The following TBCEL variants were observed in gnomAD, a reference collection of about 807,000 sequenced individuals.
TBCEL encodes the protein tubulin-specific chaperone cofactor E-like protein.
TBCEL carries 15 observed loss-of-function variants against 44.2 expected under a neutral mutation model. The observed-to-expected ratio is 0.34, with a 90% CI of 0.23 to 0.52. TBCEL has a LOEUF of 0.52. TBCEL is among the 20% of genes least tolerant of loss of function. The pLI is 0.95. For synonymous variants in TBCEL, 171 were observed against 185.4 expected, an observed-to-expected ratio of 0.92 and a Z score of 0.63; for missense variants, 319 against 506.3, an observed-to-expected ratio of 0.63 and a Z score of 3.55.
Position 121,060,744 on chromosome 11 carries a change from C to T in TBCEL, c.956+659C>T, listed in dbSNP as rs983882012. 1.3e-5 allele frequency among the ~76,000 whole-genome samples: 2 copies of T among 151,768 alleles called. 1 individual carries two copies. The highest frequency in any genetic ancestry group is 2.9e-5 in the Non-Finnish European group (2 of 67,836). ...AAAAAATACCCCCCAAAACAGGTTT[C>T]TGGGTATTGATAACTAGAATCGGTT... On this transcript the variant is annotated intron_variant, in intron 8 of 8. Transcript: ENST00000683345.
At chr11:121,052,090 A>G (rs1051990311) in intron 4 of TBCEL, among the ~76,000 whole-genome samples, 1 of 151,868 alleles carries the variant, frequency 6.6e-6, no homozygotes, top group African/African-American at 2.4e-5. Context: ...TGGAATCAGC[A>G]TATTTTAAAT....
chr11:121,034,078 T>C (rs1435258737), intron 1 of TBCEL, among the ~76,000 whole-genome samples: 2 of 152,124 alleles, frequency 1.3e-5, no homozygotes, highest in Admixed American at 1.3e-4. Flanking sequence ...GGTGTACAAA[T>C]AAGTTTTGAC....
intron 8 of TBCEL, among the ~76,000 whole-genome samples, chr11:121,077,463 T>C (rs1446441719): frequency 6.6e-6 from 1 of 152,120 alleles, no homozygotes; most frequent in African/African-American, 2.4e-5. Context: ...TTAATGTCTA[T>C]GTGGTCTGTG....
In TBCEL at chr11:121,088,061, A is replaced by G. The variant is rs1292935752; in HGVS notation, c.*965A>G. On this transcript the variant is annotated 3_prime_UTR_variant, in exon 9 of 9. Transcript: ENST00000683345. ...CTGGATACGTGCACCAGGAGAGTTG[A>G]GAATTAGCTCATAAACTATCTGTGG... 1.3e-5 allele frequency: 2 copies of G among 152,224 alleles called. No homozygotes were observed. Among genetic ancestry groups the G allele is most frequent in the Non-Finnish European group, 2.9e-5 (2 of 68,040 alleles). 9.4% of individuals were successfully genotyped at this position (152,224 alleles called of 1,614,324 possible). A position where few individuals can be genotyped will look rare whatever the true frequency, so the allele number is the denominator to read the frequency against.
At position 121,047,686 on chromosome 11, in the gene TBCEL, T is replaced by A. The variant is rs761860282; in HGVS notation, c.273+19T>A. 7.4e-6 allele frequency: 12 copies of A among 1,610,792 alleles called. No individual in the cohort carries two copies. The highest frequency in any genetic ancestry group is 9.3e-6 in the Non-Finnish European group (11 of 1,178,192). On this transcript the variant is annotated intron_variant, in intron 4 of 8. Coordinates refer to ENST00000683345, the MANE Select transcript of TBCEL (RefSeq NM_001363644.2). ...GCATGAGGTGAAGTTTTTATATTGC[T>A]ACATTTTAGTGAAAAGCAGCAATAA...
intron 8 of TBCEL, among the ~76,000 whole-genome samples, chr11:121,064,788 A>G (rs1401279679): frequency 1.3e-5 from 2 of 152,136 alleles, no homozygotes; most frequent in Non-Finnish European, 2.9e-5. Context: ...GAGTGACACA[A>G]TAATAATTAT....
In TBCEL at chr11:121,087,126, A is replaced by G. The variant is rs765942291; in HGVS notation, c.*30A>G. On this transcript the variant is annotated 3_prime_UTR_variant, in exon 9 of 9. Transcript: ENST00000683345. ...TACCAGCCTTGTGAAAAACATACAC[A>G]TAAGGACTTGTTGCAGGGCATTTGT... The G allele has an allele frequency of 5.1e-6, 8 of 1,577,398 alleles. No individual in the cohort carries two copies. The Admixed American group carries it at 1.1e-4, about 22-fold the overall frequency.
chr11:121,034,902 G>C (rs755604321), intron 1 of TBCEL, among the ~76,000 whole-genome samples: 1 of 152,130 alleles, frequency 6.6e-6, no homozygotes, highest in Non-Finnish European at 1.5e-5. Flanking sequence ...GTAGTGTGTT[G>C]AAGGATGCAT....
rs1352869036 is a variant in TBCEL at position 121,055,319 on chromosome 11, G to A, written c.712+11G>A. On this transcript the variant is annotated intron_variant, in intron 6 of 8. Transcript: ENST00000683345. ...GCCTCCACAAGTCAGGTGAGGTTCA[G>A]GCTTGTTCTTATTCTACATGCAAAT... 2 of 1,583,290 alleles carry A rather than the reference G, an allele frequency of 1.3e-6. No homozygotes were observed. Among genetic ancestry groups the A allele is most frequent in the Non-Finnish European group, 8.6e-7 (1 of 1,162,106 alleles).
chr11:121,032,090 A>G (rs980252934), intron 1 of TBCEL, among the ~76,000 whole-genome samples: 2 of 152,166 alleles, frequency 1.3e-5, no homozygotes, highest in Non-Finnish European at 2.9e-5. Context: ...TCTCAAGGAG[A>G]TAAAGTTTGC....
intron 2 of TBCEL, among the ~76,000 whole-genome samples, chr11:121,038,583 T>TAAAAAAA (rs887335197): frequency 6.8e-6 from 1 of 147,074 alleles, no homozygotes. Context: ...TTAATGGGCT[T>TAAAAAAA]AAAAAAAAAA....
chr11:121,062,024 G>C (rs1396700342), intron 8 of TBCEL, among the ~76,000 whole-genome samples: 1 of 151,654 alleles, frequency 6.6e-6, no homozygotes, highest in African/African-American at 2.4e-5. Flanking sequence ...AAAGCATTTT[G>C]TTCATATCTT....
intron 2 of TBCEL, among the ~76,000 whole-genome samples, chr11:121,041,299 G>A (rs1345280564): frequency 1.3e-5 from 2 of 152,114 alleles, no homozygotes; most frequent in Non-Finnish European, 2.9e-5. Context: ...TAAGGTGACT[G>A]GATGTTCTGT....
At chr11:121,044,419 ACCATTG>A (rs771189372) in intron 2 of TBCEL, among the ~76,000 whole-genome samples, 21 of 152,100 alleles carry the variant, frequency 1.4e-4, no homozygotes, top group Non-Finnish European at 2.5e-4. Context: ...GACAATGTCT[ACCATTG>A]CCAGGCTGCT....
chr11:121,049,909 A>G (rs924150865), intron 4 of TBCEL, among the ~76,000 whole-genome samples: 32 of 151,770 alleles, frequency 2.1e-4, no homozygotes, highest in Non-Finnish European at 7.4e-5. Context: ...ACATATATCC[A>G]GAGGGTCACA....
At chr11:121,065,883 A>G (rs998965567) in intron 8 of TBCEL, among the ~76,000 whole-genome samples, 3 of 152,216 alleles carry the variant, frequency 2.0e-5, no homozygotes, top group African/African-American at 7.2e-5. Flanking sequence ...TTCAACACTA[A>G]TATGATATTT....
chr11:121,030,331 A>G (rs1945121481), intron 1 of TBCEL, among the ~76,000 whole-genome samples: 1 of 152,156 alleles, frequency 6.6e-6, no homozygotes, highest in South Asian at 2.1e-4. Flanking sequence ...CATGATGAAG[A>G]GATTGGATTT....
At chr11:121,044,508 G>A (rs1945394287) in intron 2 of TBCEL, among the ~76,000 whole-genome samples, 1 of 151,912 alleles carries the variant, frequency 6.6e-6, no homozygotes. Flanking sequence ...CTTTTCTTAT[G>A]ATATCCCTTC....
intron 7 of TBCEL, 42 bp downstream of exon 7, chr11:121,058,513 T>C (rs772520169): frequency 6.2e-7 from 1 of 1,604,226 alleles, no homozygotes; most frequent in South Asian, 1.1e-5. Context: ...TGTGAGGCCT[T>C]ATTGTTTCAT....
Sources: allele counts gnomAD v4.1 joint callset (sites outside exome capture counted in the v4.1 genomes callset), GRCh38; gene constraint gnomAD v4.1.1; transcripts MANE v1.5; gene names NCBI Gene and HGNC (gene_info 2026-07-23, HGNC 2026-07-21).